ZDHHC7: variants seen among roughly 807,000 people sequenced by gnomAD.
ZDHHC7 encodes the protein palmitoyltransferase ZDHHC7.
In ZDHHC7, 12 loss-of-function variants were observed where a neutral mutation model predicts 34.1. That is an observed-to-expected ratio of 0.35 (90% CI 0.23 to 0.57). The LOEUF is 0.57. Ranked by LOEUF, ZDHHC7 falls within the 20% of genes least tolerant of loss-of-function variation. The pLI is 0.84. For synonymous variants in ZDHHC7, 185 were observed against 155.4 expected, an observed-to-expected ratio of 1.19 and a Z score of -1.42; for missense variants, 388 against 402.7, an observed-to-expected ratio of 0.96 and a Z score of 0.31.
At chr16:84,992,798 G>C (rs1285701492) in intron 2 of ZDHHC7, among the ~76,000 whole-genome samples, 2 of 152,192 alleles carry the variant, frequency 1.3e-5, no homozygotes, top group Non-Finnish European at 2.9e-5. Context: ...CTACAACTGA[G>C]TAACAGCACT....
the ZDHHC7 span, among the ~76,000 whole-genome samples, chr16:85,025,375 G>A: frequency 6.6e-6 from 1 of 151,826 alleles, no homozygotes; most frequent in South Asian, 2.1e-4. Flanking sequence ...GGATCCTGCT[G>A]AGCCAACCCC....
At position 84,975,888 on chromosome 16, in the gene ZDHHC7, C is replaced by T. The variant is rs184175413; in HGVS notation, c.*455G>A. The T allele has an allele frequency of 1.5e-4, 26 of 169,582 alleles. No homozygotes were observed. Among genetic ancestry groups the T allele is most frequent in the Admixed American group, 6.6e-4 (11 of 16,626 alleles). The allele number at this position is 169,582 out of a possible 1,614,324, so 10.5% of individuals were successfully genotyped here. A position where few individuals can be genotyped will look rare whatever the true frequency, so the allele number is the denominator to read the frequency against. On this transcript the variant is annotated 3_prime_UTR_variant, in exon 8 of 8. Transcript: ENST00000313732. ...GCATCGGAGCTAATCGAGACCAAAA[C>T]GTCTTTCTATGTAAACGCCCTGCTG... is the stretch of plus-strand genomic sequence containing the variant.
the ZDHHC7 span, among the ~76,000 whole-genome samples, chr16:85,019,851 G>C: frequency 6.6e-6 from 1 of 152,200 alleles, no homozygotes; most frequent in Non-Finnish European, 1.5e-5. Context: ...TGTGCTCCCG[G>C]TCACACAGTG....
At chr16:85,019,885 G>A in the ZDHHC7 span, among the ~76,000 whole-genome samples, 1 of 152,156 alleles carries the variant, frequency 6.6e-6, no homozygotes, top group Admixed American at 6.6e-5. Context: ...CCAGGATGCC[G>A]CCCCAAATGT....
chr16:85,014,245 T>C (rs185289622), upstream of ZDHHC7, among the ~76,000 whole-genome samples: 20 of 152,296 alleles, frequency 1.3e-4, 1 homozygote, highest in Middle Eastern at 6.8e-3. Context: ...CTGAGAAGTA[T>C]AGATTTCAAA....
intron 2 of ZDHHC7, among the ~76,000 whole-genome samples, chr16:84,992,019 T>C (rs1455796109): frequency 6.6e-6 from 1 of 150,916 alleles, no homozygotes; most frequent in African/African-American, 2.4e-5. Context: ...CTACTAAAAA[T>C]ACAAAAACCA....
Position 84,975,960 on chromosome 16 carries a change from C to A in ZDHHC7, c.*383G>T, listed in dbSNP as rs573825367. The A allele has an allele frequency of 2.0e-4, 44 of 225,632 alleles. No homozygotes were observed. The highest frequency in any genetic ancestry group is 3.1e-4 in the Non-Finnish European group (35 of 114,624). 14.0% of individuals were successfully genotyped at this position (225,632 alleles called of 1,614,324 possible). ...GAGTGGCGGGGTCAGCAGGAGCCCC[C>A]TGAAATGACTGCTTGGAGAATCCCT... On this transcript the variant is annotated 3_prime_UTR_variant, in exon 8 of 8. Transcript: ENST00000313732.
intron 3 of ZDHHC7, among the ~76,000 whole-genome samples, chr16:84,987,378 G>C (rs534585097): frequency 7.9e-5 from 12 of 152,300 alleles, no homozygotes; most frequent in African/African-American, 2.9e-4. Flanking sequence ...TGGCAATAAT[G>C]TGTTGAAGAT....
chr16:85,005,463 G>GT (rs1226857933), intron 1 of ZDHHC7, among the ~76,000 whole-genome samples: 10 of 152,166 alleles, frequency 6.6e-5, no homozygotes, highest in Non-Finnish European at 1.3e-4. Context: ...AAAGCCAGGC[G>GT]TATCACGAGC....
At chr16:85,011,895 A>T (rs1194828534), upstream of ZDHHC7, among the ~76,000 whole-genome samples, 1 of 152,196 alleles carries the variant, frequency 6.6e-6, no homozygotes, top group Non-Finnish European at 1.5e-5. Flanking sequence ...GAAATGGGAA[A>T]GTAAGGGAGC....
At position 84,976,124 on chromosome 16, in the gene ZDHHC7, G is replaced by A. The variant is rs12102447; in HGVS notation, c.*219C>T. Reference sequence around the variant, plus strand: ...GGAGGCCACGGCGTTTGGCTTCTTCGTGTGGCCACACACCTTTCCGTTGTT... The same window carrying A: ...GGAGGCCACGGCGTTTGGCTTCTTCATGTGGCCACACACCTTTCCGTTGTT... On this transcript the variant is annotated 3_prime_UTR_variant, in exon 8 of 8. Coordinates refer to ENST00000313732, the MANE Select transcript of ZDHHC7 (RefSeq NM_017740.3). 4,814 of 593,212 alleles carry A rather than the reference G, an allele frequency of 8.1e-3. 165 individuals are homozygous for A. Among genetic ancestry groups the A allele is most frequent in the African/African-American group, 0.08 (4,110 of 51,494 alleles). 36.7% of individuals were successfully genotyped at this position (593,212 alleles called of 1,614,324 possible).
Position 84,976,187 on chromosome 16 carries a change from T to G in ZDHHC7, c.*156A>C. 1 of 943,832 alleles carries G rather than the reference T, an allele frequency of 1.1e-6. No homozygotes were observed. The highest frequency in any genetic ancestry group is 1.6e-6 in the Non-Finnish European group (1 of 635,050). The allele number at this position is 943,832 out of a possible 1,614,324, so 58.5% of individuals were successfully genotyped here. ...ACTGAGAGCCTCTTCCTCTGCCATC[T>G]GTGACTATAAATATATAAAACTCTG... On this transcript the variant is annotated 3_prime_UTR_variant, in exon 8 of 8. Transcript: ENST00000313732.
upstream of ZDHHC7, among the ~76,000 whole-genome samples, chr16:85,016,296 A>C (rs1309958733): frequency 6.6e-6 from 1 of 151,904 alleles, no homozygotes; most frequent in Non-Finnish European, 1.5e-5. Context: ...TGTTAGGATT[A>C]TAGGCATGCG....
chr16:84,987,956 T>G (rs2072458714), intron 3 of ZDHHC7, among the ~76,000 whole-genome samples: 1 of 152,044 alleles, frequency 6.6e-6, no homozygotes, highest in African/African-American at 2.4e-5. Flanking sequence ...GATCATAAGG[T>G]CAGGAGATCG....
chr16:84,985,901 G>A (rs188588694), intron 3 of ZDHHC7, among the ~76,000 whole-genome samples: 1 of 141,644 alleles, frequency 7.1e-6, no homozygotes, highest in Admixed American at 7.6e-5. Flanking sequence ...GTTTCAATGA[G>A]CTGAGATCCT....
intron 3 of ZDHHC7, 106 bp downstream of exon 3, chr16:84,990,198 C>T (rs933582368): frequency 1.5e-6 from 2 of 1,312,112 alleles, no homozygotes; most frequent in African/African-American, 1.5e-5. Flanking sequence ...TGTTCCACAC[C>T]CATGTCAATA....
chr16:85,021,356 G>C, the ZDHHC7 span, among the ~76,000 whole-genome samples: 2 of 141,124 alleles, frequency 1.4e-5, no homozygotes, highest in African/African-American at 5.4e-5. Flanking sequence ...AGATTGCAGT[G>C]AGCCAAGATT....
At chr16:85,001,962 T>C (rs1186957088) in intron 1 of ZDHHC7, among the ~76,000 whole-genome samples, 1 of 152,088 alleles carries the variant, frequency 6.6e-6, no homozygotes. Flanking sequence ...GAGCATCTTG[T>C]ATTGCCAGAG....
chr16:84,978,960 G>A (rs9932792), intron 5 of ZDHHC7, among the ~76,000 whole-genome samples: 3,536 of 152,040 alleles, frequency 0.023, 134 homozygotes, highest in African/African-American at 0.079. Flanking sequence ...AGCGATTGAG[G>A]ACATCTGGGA....
Sources: allele counts gnomAD v4.1 joint callset (sites outside exome capture counted in the v4.1 genomes callset), GRCh38; gene constraint gnomAD v4.1.1; transcripts MANE v1.5; gene names NCBI Gene and HGNC (gene_info 2026-07-23, HGNC 2026-07-21).